Variants in ZSCAN9 observed in about 807,000 individuals in gnomAD.
ZSCAN9 encodes the protein zinc finger and SCAN domain containing 9.
In ZSCAN9, 19 loss-of-function variants were observed where a neutral mutation model predicts 23.0. The ratio of observed to expected loss-of-function variants is 0.83; its 90% CI spans 0.58 to 1.21. The LOEUF (loss-of-function observed/expected upper bound fraction) is 1.21, where lower values mean the gene tolerates loss of function less well. ZSCAN9 is among the 50% of genes most tolerant of loss of function. The pLI is 0.00. For missense variants in ZSCAN9, 467 were observed against 471.5 expected (o/e 0.99, Z 0.09); for synonymous variants, 155 against 164.8 (o/e 0.94, Z 0.46).
At chr6:28,227,964 C>A in intron 3 of ZSCAN9, 127 bp downstream of exon 3, 1 of 1,106,782 alleles carries the variant, frequency 9.0e-7, no homozygotes, top group Non-Finnish European at 1.3e-6. Context: ...ATGGTCAGTT[C>A]TTCTGAGAGC....
chr6:28,227,134 A>C lies in ZSCAN9; in HGVS notation c.50A>C (p.Glu17Ala), dbSNP rs746835005. Residue 17 changes from glutamate (E) to alanine (A), a missense_variant, in exon 2 of 4, where the codon GAG (glutamate) becomes GCG (alanine). Physicochemically the swap from Glu to Ala is moderately radical, Grantham distance 107. Transcript: ENST00000252207. The part of the protein sequence containing the change: ...EVLSLGVQVP[E>A]AWEELLTMKV... ...TTATCCCTGGGTGTTCAAGTTCCCG[A>C]GGCATGGGAAGAACTTCTGACAATG... 7.4e-6 allele frequency: 12 copies of C among 1,614,112 alleles called. No homozygotes were observed. In the South Asian group the frequency reaches 1.3e-4, roughly 18 times the overall value.
intron 3 of ZSCAN9, among the ~76,000 whole-genome samples, chr6:28,231,615 A>C (rs1364083008): frequency 6.6e-6 from 1 of 152,100 alleles, no homozygotes; most frequent in African/African-American, 2.4e-5. Context: ...TTAGCCAGGC[A>C]TGGTGATGTG....
chr6:28,233,375 T>TA lies in ZSCAN9; in HGVS notation c.*198dup, dbSNP rs1217306937. The TA allele has an allele frequency of 1.2e-6, 1 of 829,236 alleles. No individual in the cohort carries two copies. Among genetic ancestry groups the TA allele is most frequent in the Admixed American group, 3.4e-5 (1 of 29,760 alleles). The allele number at this position is 829,236 out of a possible 1,614,324, so 51.4% of individuals were successfully genotyped here. A position where few individuals can be genotyped will look rare whatever the true frequency, so the allele number is the denominator to read the frequency against. ...TCTTTTGTTCATTTTACCTCTTTCT[T>TA]ACTCTTACTAGCTGTGTCCCTCTTA... On this transcript the variant is annotated 3_prime_UTR_variant, in exon 4 of 4. Coordinates refer to ENST00000252207, the MANE Select transcript of ZSCAN9 (RefSeq NM_006299.5).
intron 3 of ZSCAN9, among the ~76,000 whole-genome samples, chr6:28,229,841 T>G (rs1760240004): frequency 6.6e-6 from 1 of 151,980 alleles, no homozygotes; most frequent in African/African-American, 2.4e-5. Context: ...CCCATATATA[T>G]GTATCTTCCC....
chr6:28,229,760 A>G (rs955348968), intron 3 of ZSCAN9, among the ~76,000 whole-genome samples: 4 of 150,988 alleles, frequency 2.6e-5, no homozygotes, highest in Non-Finnish European at 5.9e-5. Flanking sequence ...TCCAAATCCT[A>G]CTCCCTAGAG....
Position 28,227,223 on chromosome 6 carries a change from G to A in ZSCAN9, c.139G>A (p.Ala47Thr). The A allele has an allele frequency of 6.2e-7, 1 of 1,614,220 alleles. No individual in the cohort carries two copies. The highest frequency in any genetic ancestry group is 8.5e-7 in the Non-Finnish European group (1 of 1,180,042). Residue 47 changes from alanine to threonine, a missense_variant, in exon 2 of 4, where the codon GCA becomes ACA. By Grantham distance (58) the Ala-to-Thr change is moderately conservative. Transcript: ENST00000252207. ...ESRLKRSNPL[A>T]REIFRRHFRQ... ...CAGACTGAAACGCAGTAATCCACTG[G>A]CAAGGGAAATCTTCCGAAGGCACTT... is the stretch of plus-strand genomic sequence containing the variant.
rs1432539197 is a variant in ZSCAN9, at chr6:28,227,139, T to C, written c.55T>C (p.Trp19Arg). 2 of 1,614,188 alleles carry C rather than the reference T, an allele frequency of 1.2e-6. No homozygotes were observed. The highest frequency in any genetic ancestry group is 1.7e-5 in the Admixed American group (1 of 60,020). The change falls in exon 2 of 4, where the codon TGG becomes CGG. Residue 19 changes from tryptophan (W) to arginine (R), a missense_variant. Physicochemically the swap from Trp to Arg is moderately radical, Grantham distance 101. Coordinates refer to ENST00000252207, the MANE Select transcript of ZSCAN9 (RefSeq NM_006299.5). ...LSLGVQVPEA[W>R]EELLTMKVEA... Reference sequence around the variant, plus strand: ...CCTGGGTGTTCAAGTTCCCGAGGCATGGGAAGAACTTCTGACAATGAAAGT... The same window carrying C: ...CCTGGGTGTTCAAGTTCCCGAGGCACGGGAAGAACTTCTGACAATGAAAGT...
At chr6:28,227,936 C>G in intron 3 of ZSCAN9, 99 bp downstream of exon 3, 1 of 1,374,382 alleles carries the variant, frequency 7.3e-7, no homozygotes. Context: ...CCCAAAGACT[C>G]CTTACCAGAT....
At chr6:28,232,461 T>C in intron 3 of ZSCAN9, 101 bp from the exon 4 acceptor site, 3 of 1,505,780 alleles carry the variant, frequency 2.0e-6, no homozygotes, top group Non-Finnish European at 2.7e-6. Flanking sequence ...CTTCTGTTTC[T>C]AGCCCACTTC....
At position 28,227,828 on chromosome 6, in the gene ZSCAN9, G is replaced by T. The variant is rs770100733; in HGVS notation, c.559G>T (p.Gly187Ter). ...CDSAQKCHSI[G>*]ETDEVTKTED... ...CTCTGCTCAGAAGTGCCATTCTATT[G>T]GAGAGACAGGTGAGGGACAGCATTT... The change falls in exon 3 of 4, where the codon GGA (glycine) becomes TGA (stop). Residue 187 changes from glycine to a stop codon, truncating the protein, a stop_gained. Transcript: ENST00000252207. LOFTEE classifies it low-confidence loss of function (END_TRUNC). The T allele has an allele frequency of 3.5e-5, 57 of 1,613,398 alleles. No homozygotes were observed. The South Asian group carries it at 5.8e-4, about 16-fold the overall frequency.
chr6:28,227,973 G>C, intron 3 of ZSCAN9, 136 bp downstream of exon 3: 8 of 1,042,098 alleles, frequency 7.7e-6, no homozygotes, highest in Non-Finnish European at 1.2e-5. Flanking sequence ...TCTTCTGAGA[G>C]CCTAGTGTGC....
At chr6:28,226,973 A>C (rs1581560329) in intron 1 of ZSCAN9, 39 bp from the exon 2 acceptor site, 2 of 884,084 alleles carry the variant, frequency 2.3e-6, no homozygotes, top group East Asian at 2.7e-5. Context: ...ATCAGCTATT[A>C]TCATTTTTCT....
At position 28,232,796 on chromosome 6, in the gene ZSCAN9, G is replaced by T. The variant is rs546391720; in HGVS notation, c.803G>T (p.Gly268Val). Residue 268 changes from glycine to valine, a missense_variant, in exon 4 of 4, where the codon GGT becomes GTT. Transcript: ENST00000252207. ...ECGKSFTQSSGLIRHQRIHTG... is the reference protein window; with the variant it reads ...ECGKSFTQSSVLIRHQRIHTG... ...GGGAAGAGCTTTACTCAGAGCTCAG[G>T]TCTCATTCGACATCAAAGAATTCAT... is the stretch of plus-strand genomic sequence containing the variant. The T allele has an allele frequency of 2.1e-5, 34 of 1,614,068 alleles. No homozygotes were observed. Among genetic ancestry groups the T allele is most frequent in the Admixed American group, 3.3e-5 (2 of 60,012 alleles).
rs146223466 is a variant in ZSCAN9 at position 28,226,306 on chromosome 6, T to G, written c.-73-706T>G. On this transcript the variant is annotated intron_variant, in intron 1 of 3. Coordinates refer to ENST00000252207, the MANE Select transcript of ZSCAN9 (RefSeq NM_006299.5). ...CACCTAAGCCTTTCTTTCTGTAAAT[T>G]TAGTGAAAATAATACTAACCTTAAA... Among the ~76,000 whole-genome samples the G allele has an allele frequency of 9.8e-5, 15 of 152,302 alleles. No individual in the cohort carries two copies. In the East Asian group the frequency reaches 2.9e-3, roughly 29 times the overall value.
At position 28,227,047 on chromosome 6, in the gene ZSCAN9, C is replaced by T. The variant is rs779774380; in HGVS notation, c.-38C>T. 7.6e-6 allele frequency: 12 copies of T among 1,578,534 alleles called. No homozygotes were observed. In the African/African-American group the frequency reaches 1.6e-4, roughly 21 times the overall value. Reference sequence around the variant, plus strand: ...CCAAGGTTTGTCTTGAAGCATAGCTCCAGCTGGAGGGTACCTTTTAAGCTG... The same window carrying T: ...CCAAGGTTTGTCTTGAAGCATAGCTTCAGCTGGAGGGTACCTTTTAAGCTG... On this transcript the variant is annotated 5_prime_UTR_variant, in exon 2 of 4. Coordinates refer to ENST00000252207, the MANE Select transcript of ZSCAN9 (RefSeq NM_006299.5).
chr6:28,228,115 A>G, intron 3 of ZSCAN9: 1 of 672,008 alleles, frequency 1.5e-6, no homozygotes, highest in East Asian at 2.7e-5. Context: ...CAGAGAATGG[A>G]CTTCAAGGTT....
At position 28,233,473 on chromosome 6, in the gene ZSCAN9, C is replaced by T; in HGVS notation, c.*295C>T. On this transcript the variant is annotated 3_prime_UTR_variant, in exon 4 of 4. Transcript: ENST00000252207. ...AATATAATAAATGGCACTGCCACAG[C>T]CAACATGCCTGAAAGATTTGGTATC... 3.4e-6 allele frequency: 1 copy of T among 290,434 alleles called. No individual in the cohort carries two copies. The highest frequency in any genetic ancestry group is 6.3e-6 in the Non-Finnish European group (1 of 159,260). 18.0% of individuals were successfully genotyped at this position (290,434 alleles called of 1,614,324 possible).
At chr6:28,229,786 A>G (rs1760236784) in intron 3 of ZSCAN9, among the ~76,000 whole-genome samples, 1 of 151,988 alleles carries the variant, frequency 6.6e-6, no homozygotes, top group Non-Finnish European at 1.5e-5. Flanking sequence ...TACTCTTGTC[A>G]CTTTGCTGCA....
In ZSCAN9 at chr6:28,233,082, G is replaced by C. The variant is rs1484930088; in HGVS notation, c.1089G>C (p.Glu363Asp). Reference protein sequence around the residue: ...LIEHQRSHTGERPHQCIECGK... With the variant: ...LIEHQRSHTGDRPHQCIECGK... Reference sequence around the variant, plus strand: ...AACATCAGAGAAGCCACACAGGGGAGCGACCTCACCAGTGCATTGAATGTG... The same window carrying C: ...AACATCAGAGAAGCCACACAGGGGACCGACCTCACCAGTGCATTGAATGTG... The change falls in exon 4 of 4, where the codon GAG becomes GAC. Residue 363 changes from glutamate to aspartate, a missense_variant. Physicochemically the swap from Glu to Asp is conservative, Grantham distance 45. Transcript: ENST00000252207. 1 of 1,613,988 alleles carries C rather than the reference G, an allele frequency of 6.2e-7. No individual in the cohort carries two copies. Among genetic ancestry groups the C allele is most frequent in the Non-Finnish European group, 8.5e-7 (1 of 1,180,026 alleles).
Sources: allele counts gnomAD v4.1 joint callset (sites outside exome capture counted in the v4.1 genomes callset), GRCh38; gene constraint gnomAD v4.1.1; transcripts MANE v1.5; gene names NCBI Gene and HGNC (gene_info 2026-07-23, HGNC 2026-07-21).